Variants in SLC35D4 observed in about 807,000 individuals in gnomAD.
SLC35D4 encodes solute carrier family 35 member D4.
chr18:23,390,243 C>G, the SLC35D4 span, among the ~76,000 whole-genome samples: 1 of 152,158 alleles, frequency 6.6e-6, no homozygotes, highest in East Asian at 1.9e-4. Flanking sequence ...ATCTAGATAT[C>G]TGCTAAAGAG....
At chr18:23,435,648 T>C in the SLC35D4 span, among the ~76,000 whole-genome samples, 2 of 152,268 alleles carry the variant, frequency 1.3e-5, no homozygotes, top group Admixed American at 1.3e-4. Flanking sequence ...GTTTATCTTA[T>C]AGTTTGCCAC....
the SLC35D4 span, among the ~76,000 whole-genome samples, chr18:23,282,580 C>T: frequency 1.5e-3 from 225 of 152,284 alleles, 6 homozygotes; most frequent in East Asian, 2.7e-3. Context: ...AGGCAGCCAA[C>T]GCCTGGGCCA....
the SLC35D4 span, among the ~76,000 whole-genome samples, chr18:23,263,277 G>A: frequency 2.0e-5 from 3 of 152,360 alleles, no homozygotes; most frequent in Admixed American, 2.0e-4. Flanking sequence ...ATGGCCTTGA[G>A]TTAGAGGAGG....
At chr18:23,312,121 C>A in the SLC35D4 span, among the ~76,000 whole-genome samples, 2 of 152,170 alleles carry the variant, frequency 1.3e-5, no homozygotes, top group South Asian at 4.1e-4. Flanking sequence ...TGATTGGCTT[C>A]TCTCCTTGTT....
At chr18:23,385,718 A>C in the SLC35D4 span, among the ~76,000 whole-genome samples, 1 of 152,202 alleles carries the variant, frequency 6.6e-6, no homozygotes, top group African/African-American at 2.4e-5. Context: ...CCCAGGAACC[A>C]GTGAAGAGTT....
At chr18:23,298,193 C>T in the SLC35D4 span, 1 of 1,059,944 alleles carries the variant, frequency 9.4e-7, no homozygotes, top group African/African-American at 1.6e-5. Flanking sequence ...CCAGCCCGAA[C>T]TGCCATGCTT....
chr18:23,275,878 G>C, the SLC35D4 span, among the ~76,000 whole-genome samples: 1 of 152,182 alleles, frequency 6.6e-6, no homozygotes, highest in African/African-American at 2.4e-5. Context: ...ACTGATGTGA[G>C]GTTTCTGGAA....
the SLC35D4 span, among the ~76,000 whole-genome samples, chr18:23,387,770 T>A: frequency 6.6e-6 from 1 of 152,234 alleles, no homozygotes; most frequent in African/African-American, 2.4e-5. Flanking sequence ...TCATTAAAAG[T>A]TCAACTCAAA....
At chr18:23,295,090 A>C in the SLC35D4 span, among the ~76,000 whole-genome samples, 30 of 151,932 alleles carry the variant, frequency 2.0e-4, no homozygotes, top group African/African-American at 7.0e-4. Context: ...GAGAATAAGG[A>C]CAATTCTAAA....
the SLC35D4 span, among the ~76,000 whole-genome samples, chr18:23,425,777 T>A: frequency 5.3e-5 from 8 of 152,314 alleles, no homozygotes; most frequent in Non-Finnish European, 1.5e-5. Context: ...GTATATGATA[T>A]TAACAATCAT....
chr18:23,309,827 T>A, the SLC35D4 span: 5 of 1,354,138 alleles, frequency 3.7e-6, no homozygotes, highest in Admixed American at 8.4e-5. Context: ...CAAGCTTAGC[T>A]CACTTGAGTT....
chr18:23,414,449 G>T, the SLC35D4 span, among the ~76,000 whole-genome samples: 1 of 149,752 alleles, frequency 6.7e-6, no homozygotes, highest in South Asian at 2.1e-4. Context: ...TAGGCGGGTG[G>T]ATCACCTGAG....
At chr18:23,352,243 T>C in the SLC35D4 span, 10 of 1,612,144 alleles carry the variant, frequency 6.2e-6, no homozygotes, top group Admixed American at 3.3e-5. Context: ...GCCAGAAGGT[T>C]TTTTAGCTTC....
chr18:23,254,952 G>A, the SLC35D4 span, among the ~76,000 whole-genome samples: 6 of 152,204 alleles, frequency 3.9e-5, no homozygotes, highest in Admixed American at 2.6e-4. Context: ...GGAATTGGTC[G>A]GGAGGCAGAG....
At chr18:23,269,813 A>G in the SLC35D4 span, among the ~76,000 whole-genome samples, 2 of 152,224 alleles carry the variant, frequency 1.3e-5, no homozygotes, top group Non-Finnish European at 2.9e-5. Context: ...CCTTCCCTAG[A>G]GATCTGTGGA....
the SLC35D4 span, among the ~76,000 whole-genome samples, chr18:23,254,376 A>G: frequency 1.3e-5 from 2 of 152,202 alleles, no homozygotes; most frequent in Non-Finnish European, 2.9e-5. Flanking sequence ...CTTTTCTTTA[A>G]AAGGAGAGCC....
At chr18:23,375,131 T>A in the SLC35D4 span, among the ~76,000 whole-genome samples, 1 of 147,676 alleles carries the variant, frequency 6.8e-6, no homozygotes, top group African/African-American at 2.5e-5. Context: ...AAAATAAAAA[T>A]AAAAATAAAT....
chr18:23,290,579 T>C, the SLC35D4 span, among the ~76,000 whole-genome samples: 7 of 152,068 alleles, frequency 4.6e-5, no homozygotes, highest in Admixed American at 1.3e-4. Flanking sequence ...TCCATCTTTG[T>C]CTCCCTTTTC....
chr18:23,262,189 T>G, the SLC35D4 span, among the ~76,000 whole-genome samples: 1 of 152,254 alleles, frequency 6.6e-6, no homozygotes, highest in Admixed American at 6.5e-5. Flanking sequence ...TTTTGACATG[T>G]GTTTACCTAG....
Sources: allele counts gnomAD v4.1 joint callset (sites outside exome capture counted in the v4.1 genomes callset), GRCh38; gene constraint gnomAD v4.1.1; transcripts MANE v1.5; gene names NCBI Gene and HGNC (gene_info 2026-07-23, HGNC 2026-07-21).